GPM6A: variants seen among roughly 807,000 people sequenced by gnomAD.
GPM6A encodes the protein neuronal membrane glycoprotein M6-a.
A neutral mutation model predicts 32.1 loss-of-function variants in GPM6A; 7 were observed. That is an observed-to-expected ratio of 0.22 (90% CI 0.12 to 0.41). The LOEUF (loss-of-function observed/expected upper bound fraction) is 0.41, where lower values mean the gene tolerates loss of function less well. GPM6A is among the 10% of genes least tolerant of loss of function. The pLI is 1.00. For synonymous variants in GPM6A, 130 were observed against 123.4 expected (o/e 1.05, Z -0.35); for missense variants, 235 against 347.2 (o/e 0.68, Z 2.57).
chr4:175,999,844 T>A (rs548745309), intron 1 of GPM6A, among the ~76,000 whole-genome samples: 127 of 152,340 alleles, frequency 8.3e-4, no homozygotes, highest in African/African-American at 2.9e-3. Context: ...ATTTGGACTC[T>A]AATGCTAAAC....
At chr4:175,654,902 T>C (rs1448371266) in intron 3 of GPM6A, among the ~76,000 whole-genome samples, 1 of 152,150 alleles carries the variant, frequency 6.6e-6, no homozygotes, top group Non-Finnish European at 1.5e-5. Context: ...TCCTTTTGGT[T>C]GCATCCTTTC....
intron 1 of GPM6A, among the ~76,000 whole-genome samples, chr4:175,937,875 A>T (rs7687921): frequency 0.15 from 22,974 of 151,892 alleles, 3,153 homozygotes; most frequent in African/African-American, 0.37. Context: ...GAAAACAAAA[A>T]GCACCTAAAT....
At chr4:175,853,096 A>G (rs1290666808) in intron 1 of GPM6A, among the ~76,000 whole-genome samples, 1 of 152,114 alleles carries the variant, frequency 6.6e-6, no homozygotes, top group Non-Finnish European at 1.5e-5. Flanking sequence ...ACAGAACACT[A>G]TTGAATGTTA....
chr4:175,812,297 G>C, upstream of GPM6A: 1 of 42,002 alleles, frequency 2.4e-5, no homozygotes, highest in Non-Finnish European at 2.9e-5. Context: ...TGGAAAAACT[G>C]GGGGTTTTTT....
chr4:175,914,701 C>A (rs1038133277), intron 1 of GPM6A, among the ~76,000 whole-genome samples: 1 of 152,090 alleles, frequency 6.6e-6, no homozygotes, highest in Non-Finnish European at 1.5e-5. Context: ...TTGTCTAGTG[C>A]CAGTGAAGAT....
At chr4:175,665,794 G>C (rs577960123) in intron 3 of GPM6A, among the ~76,000 whole-genome samples, 43 of 151,176 alleles carry the variant, frequency 2.8e-4, no homozygotes, top group African/African-American at 8.7e-4. Context: ...AAAAAAAAAG[G>C]CATCATCTTA....
intron 1 of GPM6A, among the ~76,000 whole-genome samples, chr4:175,834,066 G>C (rs988190424): frequency 1.3e-5 from 2 of 152,110 alleles, no homozygotes; most frequent in Non-Finnish European, 2.9e-5. Context: ...GACACCTGCA[G>C]TGACTTCAGA....
rs1479652926 is a variant in GPM6A at position 175,634,219 on chromosome 4, C to G, written c.*686G>C. ...TAGCATTACTGTTTCTACATGCTCACAACATAAACATGAGTAATCTGAGGG... is the reference window on the plus strand; with the variant it reads ...TAGCATTACTGTTTCTACATGCTCAGAACATAAACATGAGTAATCTGAGGG... On this transcript the variant is annotated 3_prime_UTR_variant, in exon 7 of 7. Transcript: ENST00000393658. The G allele has an allele frequency of 2.0e-5, 3 of 152,430 alleles. No individual in the cohort carries two copies. The highest frequency in any genetic ancestry group is 4.4e-5 in the Non-Finnish European group (3 of 67,990). 9.4% of individuals were successfully genotyped at this position (152,430 alleles called of 1,614,324 possible).
intron 1 of GPM6A, among the ~76,000 whole-genome samples, chr4:175,939,144 T>TA (rs752106329): frequency 1.3e-5 from 2 of 152,220 alleles, no homozygotes; most frequent in African/African-American, 4.8e-5. Flanking sequence ...CATAGAAGTC[T>TA]AAATTATATC....
chr4:175,979,097 G>T (rs1740747440), intron 1 of GPM6A, among the ~76,000 whole-genome samples: 1 of 151,968 alleles, frequency 6.6e-6, no homozygotes, highest in Non-Finnish European at 1.5e-5. Context: ...TAAATATCTG[G>T]TCAGAATAGA....
chr4:175,963,498 G>A (rs921955767), intron 1 of GPM6A, among the ~76,000 whole-genome samples: 1 of 152,006 alleles, frequency 6.6e-6, no homozygotes, highest in African/African-American at 2.4e-5. Flanking sequence ...AATAGATAAT[G>A]TAGTAAATAT....
chr4:175,847,627 G>A (rs1736130790), intron 1 of GPM6A, among the ~76,000 whole-genome samples: 1 of 151,976 alleles, frequency 6.6e-6, no homozygotes, highest in African/African-American at 2.4e-5. Context: ...TGGCAATTTG[G>A]ATACGCCAAA....
intron 1 of GPM6A, among the ~76,000 whole-genome samples, chr4:175,959,129 C>G (rs1050257329): frequency 7.9e-5 from 12 of 152,040 alleles, no homozygotes; most frequent in Admixed American, 7.2e-4. Flanking sequence ...GAAATAGTGA[C>G]TAAAAACAGA....
chr4:175,775,169 A>G (rs1733344348), intron 1 of GPM6A, among the ~76,000 whole-genome samples: 2 of 152,162 alleles, frequency 1.3e-5, no homozygotes, highest in Admixed American at 6.6e-5. Context: ...AAGGCTATAT[A>G]GAAGAAGCAT....
At chr4:175,850,909 GTATATC>G (rs1736233371) in intron 1 of GPM6A, among the ~76,000 whole-genome samples, 1 of 150,836 alleles carries the variant, frequency 6.6e-6, no homozygotes, top group Admixed American at 6.6e-5. Flanking sequence ...CATAAAATAT[GTATATC>G]TATATTATAT....
intron 1 of GPM6A, among the ~76,000 whole-genome samples, chr4:175,841,243 TA>T (rs1447334588): frequency 1.3e-5 from 2 of 152,182 alleles, no homozygotes; most frequent in Non-Finnish European, 2.9e-5. Flanking sequence ...TTTATATAAT[TA>T]ACAGTAATTT....
intron 1 of GPM6A, chr4:175,798,749 C>G (rs917370374): frequency 2.6e-5 from 4 of 151,826 alleles, no homozygotes; most frequent in Non-Finnish European, 5.9e-5. Context: ...AATCCTGAGT[C>G]GATTCTTTTT....
At chr4:175,860,248 A>T (rs191083006) in intron 1 of GPM6A, among the ~76,000 whole-genome samples, 49 of 148,932 alleles carry the variant, frequency 3.3e-4, no homozygotes, top group African/African-American at 1.1e-3. Flanking sequence ...AAAATCAATG[A>T]AACTGAAAGC....
intron 3 of GPM6A, among the ~76,000 whole-genome samples, chr4:175,657,992 C>A (rs1742183459): frequency 6.6e-6 from 1 of 152,110 alleles, no homozygotes; most frequent in South Asian, 2.1e-4. Flanking sequence ...GAGAAAATTA[C>A]TAAATCATTA....
Sources: gnomAD v4.1 joint callset for allele counts (sites outside exome capture counted in the v4.1 genomes callset) on GRCh38, gnomAD v4.1.1 for gene constraint, MANE v1.5 for transcripts, NCBI Gene and HGNC (gene_info 2026-07-23, HGNC 2026-07-21) for gene names.